Variants in TJP2 observed in about 807,000 individuals in gnomAD.
TJP2 encodes tight junction protein 2, also known as Friedreich ataxia region gene X104 (tight junction protein ZO-2).
Under a neutral mutation model 133.1 loss-of-function variants are expected in TJP2, and 91 were observed. The ratio of observed to expected loss-of-function variants is 0.68; its 90% CI spans 0.58 to 0.81. The LOEUF is 0.81. TJP2 is among the 40% of genes least tolerant of loss of function. The pLI is 0.00. For synonymous variants in TJP2, 592 were observed against 583.4 expected (o/e 1.01, Z -0.21); for missense variants, 1,541 against 1,565.6 (o/e 0.98, Z 0.26).
intron 1 of TJP2, among the ~76,000 whole-genome samples, chr9:69,210,928 A>G (rs897160401): frequency 6.6e-6 from 1 of 151,940 alleles, no homozygotes; most frequent in Non-Finnish European, 1.5e-5. Context: ...GGGTCTCACT[A>G]TGTTGCACAG....
At chr9:69,134,045 G>T (rs1300716593) in intron 1 of TJP2, among the ~76,000 whole-genome samples, 1 of 152,056 alleles carries the variant, frequency 6.6e-6, no homozygotes, top group Non-Finnish European at 1.5e-5. Flanking sequence ...TGGTTCCATG[G>T]TCACTCACAT....
At chr9:69,151,702 C>T (rs1028236532) in exon 2 of TJP2, 21 of 1,231,912 alleles carry the variant, frequency 1.7e-5, no homozygotes, top group South Asian at 8.2e-5. Flanking sequence ...ATTGGCACCC[C>T]GGCTGCAGCT....
intron 1 of TJP2, among the ~76,000 whole-genome samples, chr9:69,122,411 C>T (rs1416440569): frequency 2.6e-5 from 4 of 152,240 alleles, no homozygotes; most frequent in Admixed American, 1.3e-4. Context: ...CTCGCCCTGC[C>T]CGCGTGGTCC....
At chr9:69,129,102 C>A (rs1434354080) in intron 1 of TJP2, among the ~76,000 whole-genome samples, 1 of 152,210 alleles carries the variant, frequency 6.6e-6, no homozygotes, top group Non-Finnish European at 1.5e-5. Flanking sequence ...CAGGGACTTA[C>A]TATTCTACCT....
chr9:69,175,751 C>T (rs1311164654), intron 1 of TJP2, among the ~76,000 whole-genome samples: 1 of 152,070 alleles, frequency 6.6e-6, no homozygotes, highest in African/African-American at 2.4e-5. Context: ...GGGGAGATGG[C>T]AGAAGCGGAG....
At chr9:69,136,696 G>C (rs929974758) in intron 1 of TJP2, among the ~76,000 whole-genome samples, 13 of 152,174 alleles carry the variant, frequency 8.5e-5, no homozygotes, top group Non-Finnish European at 1.2e-4. Flanking sequence ...TTCCTGGTTG[G>C]GGGTGTCTGG....
intron 1 of TJP2, among the ~76,000 whole-genome samples, chr9:69,183,887 A>G (rs751363234): frequency 3.9e-5 from 6 of 152,188 alleles, no homozygotes; most frequent in Non-Finnish European, 8.8e-5. Flanking sequence ...GGCATGCGCC[A>G]CTACACCTAG....
chr9:69,159,020 A>T (rs1037196829), intron 2 of TJP2, among the ~76,000 whole-genome samples: 4 of 152,052 alleles, frequency 2.6e-5, no homozygotes, highest in Non-Finnish European at 1.5e-5. Context: ...TTTGAAAAAA[A>T]TATGCCGGGC....
intron 1 of TJP2, among the ~76,000 whole-genome samples, chr9:69,140,896 G>A (rs1234612953): frequency 6.6e-6 from 1 of 152,170 alleles, no homozygotes; most frequent in South Asian, 2.1e-4. Context: ...GCCCAGGCTG[G>A]AGTGCAGTGG....
intron 21 of TJP2, among the ~76,000 whole-genome samples, chr9:69,252,563 A>G (rs1162725164): frequency 6.6e-6 from 1 of 152,178 alleles, no homozygotes. Context: ...TTCCCTTAGC[A>G]TGATGTCCTC....
chr9:69,173,977 G>T (rs1026607694), upstream of TJP2: 9 of 985,140 alleles, frequency 9.1e-6, no homozygotes, highest in Non-Finnish European at 1.1e-5. Flanking sequence ...GTGCAGGCGT[G>T]GGGGCTGCGG....
chr9:69,229,375 C>A (rs1225961022), intron 10 of TJP2, 125 bp downstream of exon 10: 4 of 891,626 alleles, frequency 4.5e-6, no homozygotes, highest in Admixed American at 1.7e-5. Context: ...CACCTGTAAC[C>A]AATCCCCATT....
intron 1 of TJP2, among the ~76,000 whole-genome samples, chr9:69,207,445 A>G (rs1827521589): frequency 6.6e-6 from 1 of 152,108 alleles, no homozygotes. Flanking sequence ...CAATTTGTCC[A>G]TCCTGCCCTT....
Position 69,221,197 on chromosome 9 carries a change from G to A in TJP2, c.653G>A (p.Gly218Asp). 6.2e-7 allele frequency: 1 copy of A among 1,602,314 alleles called. No homozygotes were observed. Among genetic ancestry groups the A allele is most frequent in the South Asian group, 1.1e-5 (1 of 89,574 alleles). ...GCGCGCACCCGAGACCGCAGCCGTGGCCGGAGCCTGGAGCGGGGCCTGGAC... is the reference window on the plus strand; with the variant it reads ...GCGCGCACCCGAGACCGCAGCCGTGACCGGAGCCTGGAGCGGGGCCTGGAC... Reference protein sequence around the residue: ...DHARTRDRSRGRSLERGLDHD... With the variant: ...DHARTRDRSRDRSLERGLDHD... The change falls in exon 5 of 23, where the codon GGC (glycine) becomes GAC (aspartate). Residue 218 changes from glycine to aspartate, a missense_variant. Physicochemically the swap from Gly to Asp is moderately conservative, Grantham distance 94. Transcript: ENST00000377245.
chr9:69,209,729 G>A (rs1375797953), intron 1 of TJP2, among the ~76,000 whole-genome samples: 1 of 149,588 alleles, frequency 6.7e-6, no homozygotes, highest in Non-Finnish European at 1.5e-5. Context: ...ACTCCAGCCT[G>A]GGCTGGAGCA....
chr9:69,130,006 ACT>A lies in TJP2; in HGVS notation c.-131+8284_-131+8285del, dbSNP rs1822418284. ...CTCCAGCCTGGGGGACAAGAGCGAA[ACT>A]CTGCCTCAAAAAAAAAAAAAAAAAG... On this transcript the variant is annotated intron_variant, in intron 1 of 5. Transcript: ENST00000423935. 2.2e-5 allele frequency among the ~76,000 whole-genome samples: 3 copies of A among 138,796 alleles called. No individual in the cohort carries two copies. The Admixed American group carries it at 2.3e-4, about 10-fold the overall frequency. 91.1% of individuals were successfully genotyped at this position (138,796 alleles called of 152,430 possible).
At chr9:69,193,690 T>TA (rs1564422407) in intron 1 of TJP2, among the ~76,000 whole-genome samples, 2 of 137,812 alleles carry the variant, frequency 1.5e-5, no homozygotes, top group African/African-American at 5.3e-5. Context: ...TTTTTTTTTT[T>TA]TATAACTTGC....
intron 1 of TJP2, among the ~76,000 whole-genome samples, chr9:69,199,159 C>A (rs915664847): frequency 3.0e-5 from 4 of 133,062 alleles, no homozygotes; most frequent in Admixed American, 2.9e-4. Flanking sequence ...TACCTACCAG[C>A]CTAGGCCAGC....
At chr9:69,183,329 T>C (rs1174199290) in intron 1 of TJP2, among the ~76,000 whole-genome samples, 1 of 152,184 alleles carries the variant, frequency 6.6e-6, no homozygotes, top group East Asian at 1.9e-4. Flanking sequence ...TCTTGCCACT[T>C]TTCCAATGAT....
Sources: allele counts gnomAD v4.1 joint callset (sites outside exome capture counted in the v4.1 genomes callset), GRCh38; gene constraint gnomAD v4.1.1; transcripts MANE v1.5; gene names NCBI Gene and HGNC (gene_info 2026-07-23, HGNC 2026-07-21).